The following TENM1 variants were observed in gnomAD, a reference collection of about 807,000 sequenced individuals.
The protein encoded by TENM1 is teneurin-1.
Under a neutral mutation model 174.8 loss-of-function variants are expected in TENM1, and 35 were observed. That is an observed-to-expected ratio of 0.20 (90% CI 0.15 to 0.27). The LOEUF (loss-of-function observed/expected upper bound fraction) is 0.27, where lower values mean the gene tolerates loss of function less well. Ranked by LOEUF, TENM1 falls within the 10% of genes least tolerant of loss-of-function variation. The probability of loss-of-function intolerance (pLI) is 1.00; values close to 1 mark genes in which losing one functional copy is unlikely to be tolerated. For missense variants in TENM1, 1,633 were observed against 2,130.1 expected (o/e 0.77, Z 4.59); for synonymous variants, 781 against 798.7 (o/e 0.98, Z 0.37).
chrX:124,459,206 A>G (rs2061141273), intron 22 of TENM1, among the ~76,000 whole-genome samples: 1 of 111,993 alleles, frequency 8.9e-6, no homozygotes, highest in African/African-American at 3.2e-5. Context: ...ACCATGTTGA[A>G]TTCTAGATGA....
chrX:124,828,330 C>T (rs1460743696), intron 3 of TENM1, among the ~76,000 whole-genome samples: 1 of 111,915 alleles, frequency 8.9e-6, no homozygotes, highest in Non-Finnish European at 1.9e-5. Flanking sequence ...ATTCTTAGAT[C>T]TATTTGGCAC....
chrX:124,431,306 A>G (rs934360370), intron 23 of TENM1, among the ~76,000 whole-genome samples: 1 of 112,236 alleles, frequency 8.9e-6, no homozygotes, highest in Non-Finnish European at 1.9e-5. Flanking sequence ...GACACTTCTA[A>G]TCTCCCTCTT....
intron 23 of TENM1, among the ~76,000 whole-genome samples, chrX:124,431,535 A>T (rs1171659163): frequency 1.8e-5 from 2 of 112,055 alleles, no homozygotes; most frequent in East Asian, 5.6e-4. Context: ...TGACAACTCC[A>T]GATTGTTAGC....
At chrX:124,548,733 C>T in intron 14 of TENM1, among the ~76,000 whole-genome samples, 1 of 111,479 alleles carries the variant, frequency 9.0e-6, no homozygotes, top group Non-Finnish European at 1.9e-5. Flanking sequence ...TGATTTCCTG[C>T]AGCTCTTTTG....
the TENM1 span, among the ~76,000 whole-genome samples, chrX:125,172,140 T>C: frequency 9.0e-6 from 1 of 111,667 alleles, no homozygotes; most frequent in African/African-American, 3.3e-5. Flanking sequence ...AAAAATGCTG[T>C]TAGGACTTTT....
At chrX:124,384,820 A>G (rs374777606) in exon 30 of TENM1, 2 of 1,205,512 alleles carry the variant, frequency 1.7e-6, no homozygotes, top group Non-Finnish European at 2.2e-6. Context: ...GGCCTTCTTC[A>G]CTGAATCTGA....
chrX:124,900,369 G>A (rs568925278), intron 1 of TENM1, among the ~76,000 whole-genome samples: 4 of 111,683 alleles, frequency 3.6e-5, no homozygotes, highest in Admixed American at 9.5e-5. Flanking sequence ...AAGCCAATAC[G>A]TGGTTGCCTG....
At chrX:124,605,627 C>A (rs1663892335) in intron 11 of TENM1, among the ~76,000 whole-genome samples, 1 of 111,420 alleles carries the variant, frequency 9.0e-6, no homozygotes, top group Non-Finnish European at 1.9e-5. Flanking sequence ...GGACTAATGT[C>A]ACTTGTCCAG....
chrX:125,042,286 G>T, the TENM1 span, among the ~76,000 whole-genome samples: 2 of 111,707 alleles, frequency 1.8e-5, no homozygotes, highest in Non-Finnish European at 3.8e-5. Context: ...AATCAGGCTT[G>T]TGAAGAACAG....
the TENM1 span, among the ~76,000 whole-genome samples, chrX:124,969,965 G>T: frequency 6.3e-5 from 7 of 111,840 alleles, no homozygotes; most frequent in African/African-American, 2.3e-4. Context: ...TAAAGACCAT[G>T]TTTACATTAG....
chrX:125,105,817 C>G, the TENM1 span, among the ~76,000 whole-genome samples: 2 of 111,678 alleles, frequency 1.8e-5, no homozygotes, highest in Non-Finnish European at 3.8e-5. Flanking sequence ...GGCCCTGAGG[C>G]AAATCTCAGA....
chrX:124,480,506 T>C (rs1467541646), intron 22 of TENM1, among the ~76,000 whole-genome samples: 2 of 112,419 alleles, frequency 1.8e-5, no homozygotes, highest in Non-Finnish European at 3.8e-5. Context: ...AAGATGTTCA[T>C]AATACATTGT....
At chrX:125,200,484 GT>G in the TENM1 span, among the ~76,000 whole-genome samples, 1 of 111,064 alleles carries the variant, frequency 9.0e-6, no homozygotes, top group Non-Finnish European at 1.9e-5. Context: ...TCTTCTAAAT[GT>G]TAAGTGATGG....
At chrX:124,623,052 A>G (rs1226406916) in intron 11 of TENM1, among the ~76,000 whole-genome samples, 3 of 112,061 alleles carry the variant, frequency 2.7e-5, no homozygotes, top group African/African-American at 9.7e-5. Flanking sequence ...GGACATTATT[A>G]TAAAATAATT....
intron 18 of TENM1, among the ~76,000 whole-genome samples, chrX:124,505,436 C>T (rs1447473393): frequency 1.8e-5 from 2 of 111,821 alleles, no homozygotes; most frequent in Non-Finnish European, 3.8e-5. Flanking sequence ...GTTCGTTACA[C>T]TTATGGTACA....
In TENM1 at chrX:124,504,441, A is replaced by G. The variant is rs370361326; in HGVS notation, c.3302-738T>C. ...GAAATGCAGAATGTGGTAGCTTGAGAGTCTTTGCTCTACTGAACTATGTAT... is the reference window on the plus strand; with the variant it reads ...GAAATGCAGAATGTGGTAGCTTGAGGGTCTTTGCTCTACTGAACTATGTAT... On this transcript the variant is annotated intron_variant, in intron 18 of 31. Coordinates refer to ENST00000422452, the Ensembl canonical transcript of TENM1. Among the ~76,000 whole-genome samples the G allele has an allele frequency of 7.1e-5, 8 of 112,010 alleles. No individual in the cohort carries two copies. In the South Asian group the frequency reaches 1.5e-3, roughly 21 times the overall value.
intron 3 of TENM1, among the ~76,000 whole-genome samples, chrX:124,812,847 C>G (rs958936008): frequency 1.6e-4 from 18 of 110,868 alleles, no homozygotes; most frequent in Non-Finnish European, 2.5e-4. Flanking sequence ...AACTACAGCC[C>G]AAATGAGCCA....
At chrX:124,996,851 G>C in the TENM1 span, among the ~76,000 whole-genome samples, 1 of 111,263 alleles carries the variant, frequency 9.0e-6, no homozygotes, top group South Asian at 3.7e-4. Context: ...TTGTTGAAAA[G>C]ATCTACCCAT....
chrX:124,687,400 AC>A (rs1184386251), intron 5 of TENM1, among the ~76,000 whole-genome samples: 1 of 111,576 alleles, frequency 9.0e-6, no homozygotes, highest in African/African-American at 3.3e-5. Context: ...CTGAAACTGG[AC>A]CCCTTCCTTA....
Sources: allele counts gnomAD v4.1 joint callset (sites outside exome capture counted in the v4.1 genomes callset), GRCh38; gene constraint gnomAD v4.1.1; transcripts MANE v1.5; gene names NCBI Gene and HGNC (gene_info 2026-07-23, HGNC 2026-07-21).